Variants in EXOSC2 observed in about 807,000 individuals in gnomAD.
The protein encoded by EXOSC2 is exosome complex component RRP4.
In EXOSC2, 29 loss-of-function variants were observed where a neutral mutation model predicts 37.6. That is an observed-to-expected ratio of 0.77 (90% confidence interval 0.57 to 1.05). EXOSC2 has a LOEUF of 1.05. Among genes scored for constraint, EXOSC2 ranks in the 50% least tolerant of loss-of-function variants. The pLI is 0.00. For synonymous variants in EXOSC2, 119 were observed against 131.1 expected (o/e 0.91, Z 0.63); for missense variants, 346 against 365.6 (o/e 0.95, Z 0.44).
chr9:130,698,117 A>G lies in EXOSC2; in HGVS notation c.271-45A>G. Reference sequence around the variant, plus strand: ...CCTTACTGGTTATTTATGATATGACACATGAACATGGAGCATGTGTCCAGG... The same window carrying G: ...CCTTACTGGTTATTTATGATATGACGCATGAACATGGAGCATGTGTCCAGG... On this transcript the variant is annotated intron_variant, in intron 3 of 8. Transcript: ENST00000372358. The surrounding 1 kb of genome is among the most constrained non-coding windows in gnomAD (Gnocchi z 4.1). 1 of 1,567,704 alleles carries G rather than the reference A, an allele frequency of 6.4e-7. No homozygotes were observed. The highest frequency in any genetic ancestry group is 8.8e-7 in the Non-Finnish European group (1 of 1,138,092).
chr9:130,693,894 A>G lies in EXOSC2; in HGVS notation c.103A>G (p.Thr35Ala), dbSNP rs780246147. The change falls in exon 1 of 9, where the codon ACG becomes GCG. Residue 35 changes from threonine to alanine, a missense_variant. Coordinates refer to ENST00000372358, the MANE Select transcript of EXOSC2 (RefSeq NM_014285.7). ...AGTGGTGCCGGGGGATACAATCACT[A>G]CGGACACAGGATTCATGCGGTACGT... ...HLVVPGDTIT[T>A]DTGFMRGHGT... The G allele has an allele frequency of 5.6e-6, 9 of 1,610,648 alleles. No individual in the cohort carries two copies. The highest frequency in any genetic ancestry group is 7.6e-6 in the Non-Finnish European group (9 of 1,177,542).
Position 130,698,024 on chromosome 9 carries a change from C to A in EXOSC2, c.271-138C>A. Reference sequence around the variant, plus strand: ...GGTCAGGCTGGTCTCAAACTCCTGACCTCAAGTGATCCACCAGCTTCGGCC... The same window carrying A: ...GGTCAGGCTGGTCTCAAACTCCTGAACTCAAGTGATCCACCAGCTTCGGCC... On this transcript the variant is annotated intron_variant, in intron 3 of 8. Transcript: ENST00000372358. This position sits in a 1 kb window ranked among gnomAD's most constrained non-coding sequence, Gnocchi z 4.1. The A allele has an allele frequency of 1.4e-6, 1 of 723,444 alleles. No homozygotes were observed. Among genetic ancestry groups the A allele is most frequent in the Non-Finnish European group, 2.4e-6 (1 of 413,556 alleles). The allele number at this position is 723,444 out of a possible 1,614,324, so 44.8% of individuals were successfully genotyped here.
intron 3 of EXOSC2, 88 bp downstream of exon 3, chr9:130,697,715 GA>G (rs35380996): frequency 7.9e-7 from 1 of 1,260,060 alleles, no homozygotes; most frequent in Non-Finnish European, 1.2e-6. Context: ...GTAGTTACAT[GA>G]AAAAGGCATT....
rs1191171883 is a variant in EXOSC2, at chr9:130,695,563, A to C, written c.194A>C (p.Lys65Thr). The change falls in exon 2 of 9, where the codon AAG becomes ACG. Residue 65 changes from lysine to threonine, a missense_variant. Physicochemically the swap from Lys to Thr is moderately conservative, Grantham distance 78. Transcript: ENST00000372358. ...SVAGSVERVN[K>T]LICVKALKTR... ...GCTGGCTCTGTGGAGAGAGTAAACAAGTTGATCTGTGTGAAAGCTTTGAAA... is the reference window on the plus strand; with the variant it reads ...GCTGGCTCTGTGGAGAGAGTAAACACGTTGATCTGTGTGAAAGCTTTGAAA... The C allele has an allele frequency of 2.5e-6, 4 of 1,614,084 alleles. No homozygotes were observed. The highest frequency in any genetic ancestry group is 1.3e-5 in the African/African-American group (1 of 74,930).
At chr9:130,703,229 CTGT>C (rs1564259786) in intron 8 of EXOSC2, 48 bp downstream of exon 8, 1 of 1,575,010 alleles carries the variant, frequency 6.3e-7, no homozygotes, top group African/African-American at 1.3e-5. Flanking sequence ...GTGAGCTGCT[CTGT>C]TGTTTGTTCA....
chr9:130,701,214 G>T, intron 6 of EXOSC2: 1 of 360,714 alleles, frequency 2.8e-6, no homozygotes, highest in Non-Finnish European at 5.2e-6. Flanking sequence ...GGGCTGGGAG[G>T]TGCAGCTGTC....
chr9:130,701,067 A>G (rs1450311729), intron 6 of EXOSC2, 132 bp downstream of exon 6: 4 of 777,910 alleles, frequency 5.1e-6, no homozygotes, highest in East Asian at 2.7e-5. Context: ...GCATCCCACA[A>G]ACTGATCGTG....
At chr9:130,702,903 T>A in intron 7 of EXOSC2, 150 bp from the exon 8 acceptor site, 1 of 959,486 alleles carries the variant, frequency 1.0e-6, no homozygotes, top group Non-Finnish European at 1.5e-6. Context: ...CCATTCCTTT[T>A]AATCTCCCTT....
intron 6 of EXOSC2, chr9:130,701,873 G>T: frequency 8.0e-7 from 1 of 1,249,118 alleles, no homozygotes; most frequent in East Asian, 3.8e-5. Context: ...CATGAGTTCT[G>T]GCTTAGAGTG....
At chr9:130,700,759 T>C (rs944238018) in intron 5 of EXOSC2, 108 bp from the exon 6 acceptor site, 3 of 917,924 alleles carry the variant, frequency 3.3e-6, no homozygotes, top group African/African-American at 3.3e-5. Flanking sequence ...GCCTGGACCA[T>C]TGGAGAGGGG....
At chr9:130,702,682 C>T (rs976143616) in intron 7 of EXOSC2, among the ~76,000 whole-genome samples, 2 of 152,134 alleles carry the variant, frequency 1.3e-5, no homozygotes, top group African/African-American at 4.8e-5. Context: ...GCAAGCTCCA[C>T]CTCCTGGGTT....
rs1293005376 is a variant in EXOSC2 at position 130,702,442 on chromosome 9, C to T, written c.672+132C>T. 7.6e-5 allele frequency: 53 copies of T among 694,732 alleles called. No individual in the cohort carries two copies. In the East Asian group the frequency reaches 1.1e-3, roughly 15 times the overall value. 43.0% of individuals were successfully genotyped at this position (694,732 alleles called of 1,614,324 possible). ...GCTGAGTCACTTTGACTTTCCATCA[C>T]GGTATGTTCATGAAGCCCATATTAT... On this transcript the variant is annotated intron_variant, in intron 7 of 8. Coordinates refer to ENST00000372358, the MANE Select transcript of EXOSC2 (RefSeq NM_014285.7).
At chr9:130,700,359 TTATTTA>T (rs1290110537) in intron 5 of EXOSC2, among the ~76,000 whole-genome samples, 20 of 146,526 alleles carry the variant, frequency 1.4e-4, no homozygotes, top group Non-Finnish European at 1.4e-4. Flanking sequence ...ATTTATTTAT[TTATTTA>T]TTTATTTTTT....
Position 130,700,112 on chromosome 9 carries a change from G to A in EXOSC2, c.426+718G>A, listed in dbSNP as rs774127569. 1.5e-3 allele frequency among the ~76,000 whole-genome samples: 230 copies of A among 151,922 alleles called. 2 individuals are homozygous for A. The highest frequency in any genetic ancestry group is 2.3e-3 in the Non-Finnish European group (156 of 67,976). On this transcript the variant is annotated intron_variant, in intron 5 of 8. Transcript: ENST00000372358. ...GCGATCTCGGCTCACTGCAACGTCC[G>A]CCTCTTGGATTCAAGCAATTCTGCC... is the stretch of plus-strand genomic sequence containing the variant.
chr9:130,696,447 A>G (rs7020960), intron 2 of EXOSC2, among the ~76,000 whole-genome samples: 4 of 151,898 alleles, frequency 2.6e-5, no homozygotes, highest in East Asian at 3.9e-4. Context: ...ACTTAAGCTC[A>G]CTCTGGCTGC....
In EXOSC2 at chr9:130,703,802, G is replaced by A. The variant is rs766776428; in HGVS notation, c.*28G>A. On this transcript the variant is annotated 3_prime_UTR_variant, in exon 9 of 9. Transcript: ENST00000372358. ...AGGTGCTCCAGAAGCACGGGACTGTGGACCTTGCAGGAGTGAAGACTGTGA... is the reference window on the plus strand; with the variant it reads ...AGGTGCTCCAGAAGCACGGGACTGTAGACCTTGCAGGAGTGAAGACTGTGA... 7 of 1,574,654 alleles carry A rather than the reference G, an allele frequency of 4.4e-6. No individual in the cohort carries two copies. Among genetic ancestry groups the A allele is most frequent in the Non-Finnish European group, 6.1e-6 (7 of 1,147,280 alleles).
intron 3 of EXOSC2, 124 bp downstream of exon 3, chr9:130,697,751 T>G: frequency 2.2e-6 from 2 of 894,816 alleles, no homozygotes; most frequent in Non-Finnish European, 1.9e-6. Flanking sequence ...GTTGTGTGGC[T>G]TCTGATGTAA....
At position 130,694,807 on chromosome 9, in the gene EXOSC2, A is replaced by T. The variant is rs556776856; in HGVS notation, c.123-685A>T. 1.3e-5 allele frequency among the ~76,000 whole-genome samples: 2 copies of T among 151,250 alleles called. No individual in the cohort carries two copies. Among genetic ancestry groups the T allele is most frequent in the African/African-American group, 4.9e-5 (2 of 41,148 alleles). On this transcript the variant is annotated intron_variant, in intron 1 of 8. Transcript: ENST00000372358. This position sits in a 1 kb window ranked among gnomAD's most constrained non-coding sequence, Gnocchi z 4.0. ...AACCTCTGCCTCCTGGGTTCAAGTG[A>T]TTCTCCTGCCTCAGCCTCCTGAGTA...
intron 4 of EXOSC2, among the ~76,000 whole-genome samples, chr9:130,699,034 G>A (rs977720293): frequency 6.6e-6 from 1 of 152,150 alleles, no homozygotes; most frequent in African/African-American, 2.4e-5. Context: ...ACCACAGAGG[G>A]CTGTCATGGA....
Sources: allele counts gnomAD v4.1 joint callset (sites outside exome capture counted in the v4.1 genomes callset), GRCh38; gene constraint gnomAD v4.1.1; non-coding constraint Gnocchi (gnomAD v3.1); transcripts MANE v1.5; gene names NCBI Gene and HGNC (gene_info 2026-07-23, HGNC 2026-07-21).